NOX4: variants seen among roughly 807,000 people sequenced by gnomAD.
NOX4 encodes the protein kidney oxidase-1.
NOX4 carries 69 observed loss-of-function variants against 87.6 expected under a neutral mutation model. That is an observed-to-expected ratio of 0.79 (90% CI 0.65 to 0.96). The LOEUF (loss-of-function observed/expected upper bound fraction) is 0.96, where lower values mean the gene tolerates loss of function less well. Among genes scored for constraint, NOX4 ranks in the 40% least tolerant of loss-of-function variants. The probability of loss-of-function intolerance (pLI) is 0.00; values close to 1 mark genes in which losing one functional copy is unlikely to be tolerated. For synonymous variants in NOX4, 275 were observed against 238.2 expected, an observed-to-expected ratio of 1.15 and a Z score of -1.42; for missense variants, 680 against 681.5, an observed-to-expected ratio of 1.00 and a Z score of 0.02.
chr11:89,573,317 A>G, the NOX4 span, among the ~76,000 whole-genome samples: 1 of 152,136 alleles, frequency 6.6e-6, no homozygotes, highest in Non-Finnish European at 1.5e-5. Context: ...GCAGCAGATC[A>G]CAAGCTCAGG....
At chr11:89,458,999 G>A (rs898992648) in intron 2 of NOX4, among the ~76,000 whole-genome samples, 2 of 152,082 alleles carry the variant, frequency 1.3e-5, no homozygotes, top group Non-Finnish European at 2.9e-5. Context: ...AAAGACACAT[G>A]CACACATACA....
intron 8 of NOX4, 77 bp downstream of exon 8, chr11:89,421,825 A>T (rs971583588): frequency 1.2e-6 from 1 of 807,932 alleles, no homozygotes; most frequent in African/African-American, 1.8e-5. Context: ...CCTCCTATGA[A>T]ATTTCCTATA....
chr11:89,335,713 T>C, intron 17 of NOX4, 132 bp downstream of exon 17: 1 of 518,208 alleles, frequency 1.9e-6, no homozygotes, highest in Non-Finnish European at 3.5e-6. Flanking sequence ...CCTTTGATAG[T>C]GAAAGAGTGT....
upstream of NOX4, among the ~76,000 whole-genome samples, chr11:89,491,839 T>C (rs1591382089): frequency 1.3e-5 from 2 of 151,750 alleles, no homozygotes; most frequent in Admixed American, 6.6e-5. Context: ...GGTAACGAAA[T>C]TTGAGCCGGA....
rs559117633 is a variant in NOX4, at chr11:89,480,381, C to T, written c.153+10077G>A. Reference sequence around the variant, plus strand: ...GATAGGAGACAAAAACACGACATAACAACAGTCTTCCACATCTGTGAAACT... The same window carrying T: ...GATAGGAGACAAAAACACGACATAATAACAGTCTTCCACATCTGTGAAACT... On this transcript the variant is annotated intron_variant, in intron 2 of 17. Transcript: ENST00000263317. Among the ~76,000 whole-genome samples the T allele has an allele frequency of 7.9e-5, 12 of 152,224 alleles. 1 individual carries two copies. In the South Asian group the frequency reaches 2.5e-3, roughly 32 times the overall value.
intron 13 of NOX4, among the ~76,000 whole-genome samples, chr11:89,346,579 A>AATGGCTCTCAAAGGCACT (rs57544181): frequency 1.0e-5 from 1 of 100,142 alleles, no homozygotes; most frequent in Non-Finnish European, 1.9e-5. Context: ...CAAAGAAAGA[A>AATGGCTCTCAAAGGCACT]AGATGGAGAA....
intron 2 of NOX4, among the ~76,000 whole-genome samples, chr11:89,457,208 T>C (rs367955249): frequency 1.3e-3 from 191 of 152,330 alleles, no homozygotes; most frequent in South Asian, 9.5e-3. Flanking sequence ...TGTGTGTGAA[T>C]GCATCCCACT....
rs899137925 is a variant in NOX4 at position 89,365,420 on chromosome 11, G to A, written c.1135+8012C>T. 4.0e-5 allele frequency among the ~76,000 whole-genome samples: 6 copies of A among 149,674 alleles called. No homozygotes were observed. The Admixed American group carries it at 4.0e-4, about 10-fold the overall frequency. ...ATATAAATTGGCGTTTATTGCCACA[G>A]AGGCTAAACTATAACAAAAAATGAA... is the stretch of plus-strand genomic sequence containing the variant. On this transcript the variant is annotated intron_variant, in intron 12 of 17. Coordinates refer to ENST00000263317, the MANE Select transcript of NOX4 (RefSeq NM_016931.5).
At chr11:89,450,770 A>G (rs1220822033) in intron 3 of NOX4, among the ~76,000 whole-genome samples, 2 of 144,362 alleles carry the variant, frequency 1.4e-5, no homozygotes, top group Non-Finnish European at 3.0e-5. Flanking sequence ...CTGCACACGT[A>G]TGTTTATTGT....
intron 2 of NOX4, among the ~76,000 whole-genome samples, chr11:89,473,745 A>G (rs751953192): frequency 6.6e-6 from 1 of 152,150 alleles, no homozygotes; most frequent in Non-Finnish European, 1.5e-5. Flanking sequence ...TAGCAATCTT[A>G]GCTAACTCGG....
chr11:89,489,281 G>A (rs560458028), intron 2 of NOX4, among the ~76,000 whole-genome samples: 34 of 152,006 alleles, frequency 2.2e-4, no homozygotes, highest in South Asian at 1.0e-3. Context: ...GTCTGAGCTC[G>A]TCTTAATTTT....
chr11:89,401,232 CTG>C (rs1388251264), intron 9 of NOX4, among the ~76,000 whole-genome samples: 1 of 152,100 alleles, frequency 6.6e-6, no homozygotes, highest in Admixed American at 6.6e-5. Context: ...TAGCCCCACA[CTG>C]TGTTATGAGT....
the NOX4 span, among the ~76,000 whole-genome samples, chr11:89,570,823 C>T: frequency 6.6e-6 from 1 of 152,196 alleles, no homozygotes; most frequent in East Asian, 1.9e-4. Flanking sequence ...AAGACCCTAT[C>T]TCAAAATTAA....
the NOX4 span, among the ~76,000 whole-genome samples, chr11:89,508,419 G>T: frequency 7.2e-5 from 11 of 152,118 alleles, no homozygotes; most frequent in East Asian, 2.1e-3. Context: ...CAGTAACTCT[G>T]AAATATTTCT....
the NOX4 span, among the ~76,000 whole-genome samples, chr11:89,515,480 TC>T: frequency 6.6e-6 from 1 of 151,886 alleles, no homozygotes; most frequent in Non-Finnish European, 1.5e-5. Context: ...GTTTTTTTTT[TC>T]AAATACATGC....
chr11:89,401,241 G>A (rs1208540106), intron 9 of NOX4, among the ~76,000 whole-genome samples: 2 of 152,040 alleles, frequency 1.3e-5, no homozygotes, highest in Non-Finnish European at 2.9e-5. Context: ...ACTGTGTTAT[G>A]AGTAGCACTA....
chr11:89,345,177 GC>G (rs1202074865), intron 13 of NOX4, among the ~76,000 whole-genome samples: 1 of 152,042 alleles, frequency 6.6e-6, no homozygotes, highest in Admixed American at 6.6e-5. Context: ...AGAATGCTAG[GC>G]CCTACCCCAA....
At chr11:89,338,015 C>T (rs548327319) in intron 15 of NOX4, among the ~76,000 whole-genome samples, 8 of 152,044 alleles carry the variant, frequency 5.3e-5, no homozygotes, top group African/African-American at 1.9e-4. Flanking sequence ...TTCTCTTGTA[C>T]AAAAATGCAC....
the NOX4 span, among the ~76,000 whole-genome samples, chr11:89,546,011 C>A: frequency 6.6e-6 from 1 of 152,082 alleles, no homozygotes; most frequent in Non-Finnish European, 1.5e-5. Context: ...AGAGTTAGTC[C>A]ATTGAGTTGA....
Sources: gnomAD v4.1 joint callset for allele counts (sites outside exome capture counted in the v4.1 genomes callset) on GRCh38, gnomAD v4.1.1 for gene constraint, MANE v1.5 for transcripts, NCBI Gene and HGNC (gene_info 2026-07-23, HGNC 2026-07-21) for gene names.